Variants in TBCD observed in about 807,000 individuals in gnomAD.
TBCD encodes tubulin folding cofactor D, also known as tubulin-specific chaperone D.
A neutral mutation model predicts 169.3 loss-of-function variants in TBCD; 105 were observed. The ratio of observed to expected loss-of-function variants is 0.62; its 90% CI spans 0.53 to 0.73. The LOEUF is 0.73. Ranked by LOEUF, TBCD falls within the 30% of genes least tolerant of loss-of-function variation. The pLI is 0.00. For synonymous variants in TBCD, 700 were observed against 643.9 expected, an observed-to-expected ratio of 1.09 and a Z score of -1.32; for missense variants, 1,444 against 1,600.1, an observed-to-expected ratio of 0.90 and a Z score of 1.66.
chr17:82,797,962 C>CTTTTTTTTTT lies in TBCD; in HGVS notation c.817+183_817+192dup, dbSNP rs60671571. On this transcript the variant is annotated intron_variant, in intron 8 of 38. Coordinates refer to ENST00000355528, the MANE Select transcript of TBCD (RefSeq NM_005993.5). ...TTTGTTGTGGGTTTTAGTAACTGAA[C>CTTTTTTTTTT]TTTTTTTTTTTTTTTTTTTTTTTTT... Among the ~76,000 whole-genome samples the CTTTTTTTTTT allele has an allele frequency of 7.5e-4, 37 of 49,042 alleles. 5 individuals carry two copies. The highest frequency in any genetic ancestry group is 2.5e-3 in the South Asian group (2 of 812). 32.2% of individuals were successfully genotyped at this position (49,042 alleles called of 152,430 possible). A position where few individuals can be genotyped will look rare whatever the true frequency, so the allele number is the denominator to read the frequency against.
chr17:82,892,038 C>G (rs1312517643), intron 16 of TBCD, among the ~76,000 whole-genome samples: 2 of 152,204 alleles, frequency 1.3e-5, no homozygotes, highest in African/African-American at 4.8e-5. Context: ...CCACTTCCCC[C>G]CTGCACAGGT....
chr17:82,796,056 G>C (rs891672710), intron 7 of TBCD: 1 of 152,232 alleles, frequency 6.6e-6, no homozygotes, highest in African/African-American at 2.4e-5. Flanking sequence ...CTGGCCAGCC[G>C]GCTGCAGTGA....
intron 13 of TBCD, among the ~76,000 whole-genome samples, chr17:82,867,331 G>A (rs7224427): frequency 0.52 from 79,307 of 152,084 alleles, 21,518 homozygotes; most frequent in East Asian, 0.7. Flanking sequence ...TCTGTCCAGT[G>A]GATGAATAAA....
chr17:82,803,527 C>T (rs1313626328), intron 9 of TBCD, among the ~76,000 whole-genome samples: 1 of 152,226 alleles, frequency 6.6e-6, no homozygotes, highest in Non-Finnish European at 1.5e-5. Flanking sequence ...CCAACATCCT[C>T]TCCCCCACAT....
In TBCD at chr17:82,880,396, C is replaced by T. The variant is rs910806102; in HGVS notation, c.1476-3749C>T. Among the ~76,000 whole-genome samples, 2 of 152,236 alleles carry T rather than the reference C, an allele frequency of 1.3e-5. No homozygotes were observed. The highest frequency in any genetic ancestry group is 1.9e-4 in the East Asian group (1 of 5,198). ...ATCTTAGGGTCAACTGATTGCCAAC[C>T]TTAATTCCCCTTTGTCAGGTAAAGG... On this transcript the variant is annotated intron_variant, in intron 14 of 38. Transcript: ENST00000355528. This position sits in a 1 kb window ranked among gnomAD's most constrained non-coding sequence, Gnocchi z 5.0.
intron 33 of TBCD, among the ~76,000 whole-genome samples, chr17:82,931,730 C>T (rs935928313): frequency 3.9e-5 from 6 of 152,302 alleles, no homozygotes; most frequent in South Asian, 2.1e-4. Context: ...GTGTGTTAGT[C>T]GGCCTGTGCT....
chr17:82,937,671 C>G (rs2062747622), intron 35 of TBCD: 1 of 611,138 alleles, frequency 1.6e-6, no homozygotes, highest in Admixed American at 3.0e-5. Context: ...CTCCTGTGTG[C>G]CCTGGGGGTC....
intron 4 of TBCD, among the ~76,000 whole-genome samples, chr17:82,767,330 A>G (rs929190727): frequency 2.0e-5 from 3 of 151,858 alleles, no homozygotes; most frequent in South Asian, 2.1e-4. Context: ...TTTCCCTAGT[A>G]CTTCTAGCGC....
At chr17:82,900,071 G>A (rs2059783766) in intron 17 of TBCD, among the ~76,000 whole-genome samples, 1 of 152,186 alleles carries the variant, frequency 6.6e-6, no homozygotes, top group Non-Finnish European at 1.5e-5. Context: ...ATGGAGTGCA[G>A]GGCTTTACTG....
rs928032571 is a variant in TBCD, at chr17:82,806,930, C to T, written c.1088-678C>T. On this transcript the variant is annotated intron_variant, in intron 10 of 38. Coordinates refer to ENST00000355528, the MANE Select transcript of TBCD (RefSeq NM_005993.5). This position sits in a 1 kb window ranked among gnomAD's most constrained non-coding sequence, Gnocchi z 5.1. Reference sequence around the variant, plus strand: ...CCTGGGTCTGCCCCTTCCCCGTGTCCGCAGCCTGCCCCAGGTTCATTCCCG... The same window carrying T: ...CCTGGGTCTGCCCCTTCCCCGTGTCTGCAGCCTGCCCCAGGTTCATTCCCG... 6.6e-6 allele frequency among the ~76,000 whole-genome samples: 1 copy of T among 152,188 alleles called. No homozygotes were observed. Among genetic ancestry groups the T allele is most frequent in the Non-Finnish European group, 1.5e-5 (1 of 68,024 alleles).
rs2063637059 is a variant in TBCD at position 82,945,537 on chromosome 17, G to A, written c.*3074G>A. On this transcript the variant is annotated 3_prime_UTR_variant, in exon 39 of 39. Coordinates refer to ENST00000355528, the MANE Select transcript of TBCD (RefSeq NM_005993.5). ...TATGCTGAGAGAAAATAGCTGTCAA[G>A]TTGCTTGAATTGTGCCCACAGCATA... 1 of 152,244 alleles carries A rather than the reference G, an allele frequency of 6.6e-6. No individual in the cohort carries two copies. Among genetic ancestry groups the A allele is most frequent in the Admixed American group, 6.5e-5 (1 of 15,288 alleles). The allele number at this position is 152,244 out of a possible 1,614,324, so 9.4% of individuals were successfully genotyped here. A position where few individuals can be genotyped will look rare whatever the true frequency, so the allele number is the denominator to read the frequency against.
chr17:82,810,598 T>C (rs2051361331), intron 12 of TBCD, among the ~76,000 whole-genome samples: 1 of 152,236 alleles, frequency 6.6e-6, no homozygotes, highest in South Asian at 2.1e-4. Context: ...GCCTGGGGCC[T>C]GCAGTCCTGC....
intron 12 of TBCD, among the ~76,000 whole-genome samples, chr17:82,814,530 T>C (rs1004789973): frequency 1.3e-5 from 2 of 152,216 alleles, no homozygotes; most frequent in Non-Finnish European, 2.9e-5. Flanking sequence ...TGTTTTTTTA[T>C]TTTGAGACGG....
intron 5 of TBCD, 24 bp downstream of exon 5, chr17:82,768,590 C>A: frequency 6.2e-7 from 1 of 1,611,392 alleles, no homozygotes; most frequent in Non-Finnish European, 8.5e-7. Context: ...AGATAATTAG[C>A]TGCTAATTAG....
At chr17:82,783,941 G>A (rs146930072) in intron 7 of TBCD, among the ~76,000 whole-genome samples, 112 of 152,176 alleles carry the variant, frequency 7.4e-4, no homozygotes, top group African/African-American at 2.6e-3. Context: ...CCTGGTCAAC[G>A]TGGTGAAACC....
rs116972976 is a variant in TBCD at position 82,836,793 on chromosome 17, C to T, written c.1318+21859C>T. Among the ~76,000 whole-genome samples the T allele has an allele frequency of 4.0e-3, 603 of 152,158 alleles. 2 individuals are homozygous for T. The highest frequency in any genetic ancestry group is 5.8e-3 in the Non-Finnish European group (395 of 68,008). Reference sequence around the variant, plus strand: ...CAAAAGCTTTACAACAGGCAGGTTACGTGTAAGCTCTGCTGTTGCCCAAAA... The same window carrying T: ...CAAAAGCTTTACAACAGGCAGGTTATGTGTAAGCTCTGCTGTTGCCCAAAA... On this transcript the variant is annotated intron_variant, in intron 13 of 38. Coordinates refer to ENST00000355528, the MANE Select transcript of TBCD (RefSeq NM_005993.5).
At position 82,932,734 on chromosome 17, in the gene TBCD, G is replaced by A. The variant is rs766342811; in HGVS notation, c.3190G>A (p.Asp1064Asn). Reference sequence around the variant, plus strand: ...CTTCGACATCTTCACCACGGAGGAGGAGTGAGGCTCTGCTTTTCATGACTT... The same window carrying A: ...CTTCGACATCTTCACCACGGAGGAGAAGTGAGGCTCTGCTTTTCATGACTT... ...GCFDIFTTEE[D>N]HPFAVKLLAL... The change falls in exon 34 of 39, where the codon GAC becomes AAC. Residue 1064 changes from aspartate (D) to asparagine (N), a missense_variant and splice_region_variant. Transcript: ENST00000355528. The A allele has an allele frequency of 3.1e-6, 5 of 1,613,744 alleles. No individual in the cohort carries two copies. The highest frequency in any genetic ancestry group is 4.2e-6 in the Non-Finnish European group (5 of 1,179,888).
At chr17:82,852,166 C>T (rs1364164098) in intron 13 of TBCD, among the ~76,000 whole-genome samples, 1 of 138,146 alleles carries the variant, frequency 7.2e-6, no homozygotes, top group Admixed American at 7.3e-5. Context: ...AACCCCCCCT[C>T]CTAGACACCA....
chr17:82,886,419 T>C (rs2058710249), intron 15 of TBCD: 1 of 151,772 alleles, frequency 6.6e-6, no homozygotes, highest in Non-Finnish European at 1.5e-5. Flanking sequence ...GGGGAAGGAA[T>C]GGGCAGTAGA....
Sources: allele counts gnomAD v4.1 joint callset (sites outside exome capture counted in the v4.1 genomes callset), GRCh38; gene constraint gnomAD v4.1.1; non-coding constraint Gnocchi (gnomAD v3.1); transcripts MANE v1.5; gene names NCBI Gene and HGNC (gene_info 2026-07-23, HGNC 2026-07-21).